The following PRELP variants were observed in gnomAD, a reference collection of about 807,000 sequenced individuals.
The protein encoded by PRELP is proline and arginine rich end leucine rich repeat protein, also known as prolargin.
PRELP carries 16 observed loss-of-function variants against 22.8 expected under a neutral mutation model. The observed-to-expected ratio is 0.70, with a 90% CI of 0.47 to 1.06. The LOEUF is 1.06. Ranked by LOEUF, PRELP falls within the 50% of genes least tolerant of loss-of-function variation. The probability of loss-of-function intolerance (pLI) is 0.00; values close to 1 mark genes in which losing one functional copy is unlikely to be tolerated. For synonymous variants in PRELP, 233 were observed against 211.4 expected, an observed-to-expected ratio of 1.10 and a Z score of -0.89; for missense variants, 434 against 485.2, an observed-to-expected ratio of 0.89 and a Z score of 0.99.
In PRELP at chr1:203,491,166, G is replaced by C. The variant is rs1661185063; in HGVS notation, c.*4285G>C. On this transcript the variant is annotated 3_prime_UTR_variant, in exon 3 of 3. Coordinates refer to ENST00000343110, the MANE Select transcript of PRELP (RefSeq NM_002725.4). This position sits in a 1 kb window ranked among gnomAD's most constrained non-coding sequence, Gnocchi z 4.4. ...TCTCCTGGCTCATCCTGGCTCAAAA[G>C]CTCCCCCACTGAACACCTTGCAACC... The C allele has an allele frequency of 6.6e-6, 1 of 152,112 alleles. No homozygotes were observed. The highest frequency in any genetic ancestry group is 1.5e-5 in the Non-Finnish European group (1 of 68,050). The allele number at this position is 152,112 out of a possible 1,614,324, so 9.4% of individuals were successfully genotyped here.
chr1:203,483,979 T>A lies in PRELP; in HGVS notation c.795T>A (p.Phe265Leu), dbSNP rs755095170. 1.9e-6 allele frequency: 3 copies of A among 1,614,216 alleles called. No individual in the cohort carries two copies. ...TCCCTAACGGATACTTCAAGAGCTTTCCCAATCTTGCCTTCATTCGGCTTA... is the reference window on the plus strand; with the variant it reads ...TCCCTAACGGATACTTCAAGAGCTTACCCAATCTTGCCTTCATTCGGCTTA... ...ETIPNGYFKS[F>L]PNLAFIRLNY... The change falls in exon 2 of 3, where the codon TTT (phenylalanine) becomes TTA (leucine). Residue 265 changes from phenylalanine to leucine, a missense_variant. Transcript: ENST00000343110. The surrounding 1 kb of genome is among the most constrained non-coding windows in gnomAD (Gnocchi z 4.4).
At chr1:203,477,009 T>C (rs1660922383) in intron 1 of PRELP, among the ~76,000 whole-genome samples, 1 of 150,998 alleles carries the variant, frequency 6.6e-6, no homozygotes, top group Non-Finnish European at 1.5e-5. Flanking sequence ...GCCCCTCTCC[T>C]GCTCCCCTGC....
Position 203,487,118 on chromosome 1 carries a change from C to T in PRELP, c.*237C>T. 4.2e-6 allele frequency: 2 copies of T among 471,950 alleles called. No homozygotes were observed. Among genetic ancestry groups the T allele is most frequent in the Non-Finnish European group, 7.5e-6 (2 of 266,680 alleles). The allele number at this position is 471,950 out of a possible 1,614,324, so 29.2% of individuals were successfully genotyped here. A position where few individuals can be genotyped will look rare whatever the true frequency, so the allele number is the denominator to read the frequency against. On this transcript the variant is annotated 3_prime_UTR_variant, in exon 3 of 3. Coordinates refer to ENST00000343110, the MANE Select transcript of PRELP (RefSeq NM_002725.4). Reference sequence around the variant, plus strand: ...CCCAGTGCACACCCAAACTCCTGGCCTTCTGTGGTTTCCCTTTGCTCCAGA... The same window carrying T: ...CCCAGTGCACACCCAAACTCCTGGCTTTCTGTGGTTTCCCTTTGCTCCAGA...
Position 203,488,187 on chromosome 1 carries a change from TCTC to T in PRELP, c.*1307_*1309del, listed in dbSNP as rs1341719118. 1 of 152,272 alleles carries T rather than the reference TCTC, an allele frequency of 6.6e-6. No individual in the cohort carries two copies. Among genetic ancestry groups the T allele is most frequent in the Non-Finnish European group, 1.5e-5 (1 of 68,114 alleles). 9.4% of individuals were successfully genotyped at this position (152,272 alleles called of 1,614,324 possible). On this transcript the variant is annotated 3_prime_UTR_variant, in exon 3 of 3. Coordinates refer to ENST00000343110, the MANE Select transcript of PRELP (RefSeq NM_002725.4). Reference sequence around the variant, plus strand: ...TGTTGTAGGCCCTTCCCAGGTGCCTTCTCAGCTCCCTCATCTGTAAACCGAGGA... The same window carrying T: ...TGTTGTAGGCCCTTCCCAGGTGCCTTAGCTCCCTCATCTGTAAACCGAGGA...
At chr1:203,485,434 C>T (rs893290597) in intron 2 of PRELP, among the ~76,000 whole-genome samples, 2 of 152,130 alleles carry the variant, frequency 1.3e-5, no homozygotes, top group Non-Finnish European at 2.9e-5. Flanking sequence ...GCCTTTTACC[C>T]GACAGAATGG....
At position 203,483,137 on chromosome 1, in the gene PRELP, G is replaced by A. The variant is rs748821907; in HGVS notation, c.-16-32G>A. On this transcript the variant is annotated intron_variant, in intron 1 of 2. Coordinates refer to ENST00000343110, the MANE Select transcript of PRELP (RefSeq NM_002725.4). The surrounding 1 kb of genome is among the most constrained non-coding windows in gnomAD (Gnocchi z 4.4). ...TGACAACTAGTTACTGAGGGCCCAA[G>A]GATAATGACCTTATGTGTCTTCTCC... 6.8e-7 allele frequency: 1 copy of A among 1,478,090 alleles called. No individual in the cohort carries two copies. Among genetic ancestry groups the A allele is most frequent in the South Asian group, 1.4e-5 (1 of 73,854 alleles). The allele number at this position is 1,478,090 out of a possible 1,614,324, so 91.6% of individuals were successfully genotyped here. A position where few individuals can be genotyped will look rare whatever the true frequency, so the allele number is the denominator to read the frequency against.
chr1:203,487,179 T>C lies in PRELP; in HGVS notation c.*298T>C, dbSNP rs961566352. 133 of 286,008 alleles carry C rather than the reference T, an allele frequency of 4.7e-4. No individual in the cohort carries two copies. Among genetic ancestry groups the C allele is most frequent in the African/African-American group, 2.6e-3 (122 of 46,108 alleles). The allele number at this position is 286,008 out of a possible 1,614,324, so 17.7% of individuals were successfully genotyped here. A position where few individuals can be genotyped will look rare whatever the true frequency, so the allele number is the denominator to read the frequency against. On this transcript the variant is annotated 3_prime_UTR_variant, in exon 3 of 3. Transcript: ENST00000343110. Reference sequence around the variant, plus strand: ...TGTCTAAAGACTTGGTGTCCCCTTCTCTCTCCTCCCCCACCCGCCACTCCT... The same window carrying C: ...TGTCTAAAGACTTGGTGTCCCCTTCCCTCTCCTCCCCCACCCGCCACTCCT...
intron 2 of PRELP, among the ~76,000 whole-genome samples, chr1:203,485,395 G>A (rs1428602826): frequency 6.6e-6 from 1 of 152,150 alleles, no homozygotes; most frequent in Non-Finnish European, 1.5e-5. Context: ...TCACCCACAT[G>A]AGCCCACCCC....
At chr1:203,481,229 A>G (rs918812664) in intron 1 of PRELP, among the ~76,000 whole-genome samples, 1 of 143,262 alleles carries the variant, frequency 7.0e-6, no homozygotes, top group Non-Finnish European at 1.5e-5. Flanking sequence ...GGGTGATTAG[A>G]AAATAAATTT....
intron 1 of PRELP, among the ~76,000 whole-genome samples, chr1:203,479,863 A>G (rs1345389400): frequency 6.6e-6 from 1 of 152,070 alleles, no homozygotes; most frequent in African/African-American, 2.4e-5. Flanking sequence ...TGATCCTCAC[A>G]CAGATGAGGA....
rs1010960749 is a variant in PRELP, at chr1:203,490,867, A to G, written c.*3986A>G. 5 of 152,208 alleles carry G rather than the reference A, an allele frequency of 3.3e-5. No individual in the cohort carries two copies. Among genetic ancestry groups the G allele is most frequent in the Non-Finnish European group, 7.3e-5 (5 of 68,036 alleles). 9.4% of individuals were successfully genotyped at this position (152,208 alleles called of 1,614,324 possible). On this transcript the variant is annotated 3_prime_UTR_variant, in exon 3 of 3. Coordinates refer to ENST00000343110, the MANE Select transcript of PRELP (RefSeq NM_002725.4). ...ATGCCAGGTCCCCAGCTACGCATTC[A>G]AGGATGGATAATATACATAGCAGCA...
At position 203,483,330 on chromosome 1, in the gene PRELP, C is replaced by G; in HGVS notation, c.146C>G (p.Pro49Arg). ...RPRPTPSFPQ[P>R]DEPAEPTDLP... ...AGGCCCACACCCAGCTTTCCTCAGC[C>G]TGATGAACCAGCAGAGCCAACAGAC... Residue 49 changes from proline (P) to arginine (R), a missense_variant, in exon 2 of 3, where the codon CCT becomes CGT. By Grantham distance (103) the Pro-to-Arg change is moderately radical (BLOSUM62 -2). Transcript: ENST00000343110. The surrounding 1 kb of genome is among the most constrained non-coding windows in gnomAD (Gnocchi z 4.4). 1.2e-6 allele frequency: 2 copies of G among 1,614,086 alleles called. No individual in the cohort carries two copies. Among genetic ancestry groups the G allele is most frequent in the South Asian group, 2.2e-5 (2 of 91,074 alleles).
chr1:203,484,478 T>C (rs1661061787), intron 2 of PRELP, among the ~76,000 whole-genome samples: 2 of 152,272 alleles, frequency 1.3e-5, no homozygotes, highest in African/African-American at 4.8e-5. Context: ...TCCTCCATTC[T>C]TCCTCAGCCC....
intron 1 of PRELP, among the ~76,000 whole-genome samples, chr1:203,480,869 A>C (rs928826853): frequency 1.3e-5 from 2 of 152,258 alleles, no homozygotes; most frequent in Non-Finnish European, 2.9e-5. Flanking sequence ...CTGGTGCTGC[A>C]CATGGGGATG....
intron 2 of PRELP, among the ~76,000 whole-genome samples, chr1:203,485,175 A>AAT (rs1448342773): frequency 2.0e-5 from 3 of 151,994 alleles, no homozygotes; most frequent in Admixed American, 2.0e-4. Flanking sequence ...TACAAAAAAA[A>AAT]AATGGGAAAA....
At chr1:203,482,042 CA>C (rs1309616569) in intron 1 of PRELP, among the ~76,000 whole-genome samples, 2 of 152,162 alleles carry the variant, frequency 1.3e-5, no homozygotes, top group African/African-American at 4.8e-5. Context: ...GTCTCCTCCC[CA>C]CAGGGGTATG....
intron 1 of PRELP, among the ~76,000 whole-genome samples, chr1:203,479,498 T>C (rs1191481215): frequency 6.6e-6 from 1 of 151,126 alleles, no homozygotes. Flanking sequence ...AGCTCAGGGG[T>C]TGGAGACCAG....
In PRELP at chr1:203,479,384, G is replaced by C. The variant is rs983157637; in HGVS notation, c.-17+3446G>C. The stretch of plus-strand genomic sequence containing the variant: ...TAACATTAAATTAATGAGAGAGATA[G>C]GGAAGGGGGCTATCTCACTTTAAAA... On this transcript the variant is annotated intron_variant, in intron 1 of 2. Transcript: ENST00000343110. 2.0e-5 allele frequency among the ~76,000 whole-genome samples: 3 copies of C among 152,196 alleles called. No individual in the cohort carries two copies. The East Asian group carries it at 5.8e-4, about 29-fold the overall frequency.
intron 2 of PRELP, among the ~76,000 whole-genome samples, chr1:203,485,487 A>T (rs1020425516): frequency 5.9e-5 from 9 of 152,288 alleles, no homozygotes; most frequent in African/African-American, 1.9e-4. Context: ...CGTTCTTCAC[A>T]ATGACCATAA....
Sources: allele counts gnomAD v4.1 joint callset (sites outside exome capture counted in the v4.1 genomes callset), GRCh38; gene constraint gnomAD v4.1.1; non-coding constraint Gnocchi (gnomAD v3.1); transcripts MANE v1.5; gene names NCBI Gene and HGNC (gene_info 2026-07-23, HGNC 2026-07-21).